The following TDP1 variants were observed in gnomAD, a reference collection of about 807,000 sequenced individuals.
TDP1 encodes the protein tyrosyl-DNA phosphodiesterase 1.
TDP1 carries 64 observed loss-of-function variants against 81.5 expected under a neutral mutation model. The ratio of observed to expected loss-of-function variants is 0.79; its 90% CI spans 0.64 to 0.97. The LOEUF (loss-of-function observed/expected upper bound fraction) is 0.97, where lower values mean the gene tolerates loss of function less well. Among genes scored for constraint, TDP1 ranks in the 50% least tolerant of loss-of-function variants. TDP1 has a pLI of 0.00. For missense variants in TDP1, 723 were observed against 743.8 expected, an observed-to-expected ratio of 0.97 and a Z score of 0.33; for synonymous variants, 256 against 264.3, an observed-to-expected ratio of 0.97 and a Z score of 0.30.
intron 15 of TDP1, 122 bp from the exon 16 acceptor site, chr14:90,032,984 C>A: frequency 8.6e-7 from 1 of 1,161,594 alleles, no homozygotes. Context: ...AAAATACCTC[C>A]AAAATAATTT....
chr14:89,967,342 G>C, intron 4 of TDP1, 25 bp from the exon 5 acceptor site: 1 of 1,611,748 alleles, frequency 6.2e-7, no homozygotes, highest in Non-Finnish European at 8.5e-7. Flanking sequence ...CTATGGCTTA[G>C]TTACTCTTCT....
intron 15 of TDP1, chr14:90,022,881 T>C: frequency 1.1e-6 from 1 of 888,772 alleles, no homozygotes; most frequent in Non-Finnish European, 1.7e-6. Context: ...GATGCTTAAC[T>C]TGTGAAGGAG....
intron 6 of TDP1, among the ~76,000 whole-genome samples, chr14:89,972,118 C>T (rs868777075): frequency 2.6e-4 from 39 of 152,106 alleles, no homozygotes; most frequent in African/African-American, 8.5e-4. Context: ...GTTCTTGCAC[C>T]GCTATGAAGA....
intron 6 of TDP1, 138 bp downstream of exon 6, chr14:89,971,409 T>A (rs569243377): frequency 2.8e-5 from 20 of 720,992 alleles, no homozygotes; most frequent in Non-Finnish European, 4.7e-5. Context: ...TAGCCTCAGC[T>A]TAAACACTTC....
intron 15 of TDP1, chr14:90,022,925 C>T: frequency 1.3e-6 from 1 of 741,646 alleles, no homozygotes; most frequent in South Asian, 1.5e-5. Context: ...ACGGTTCCCT[C>T]CTCAAAGCAT....
chr14:90,043,275 T>G lies in TDP1; in HGVS notation c.*132T>G. 1 of 1,011,810 alleles carries G rather than the reference T, an allele frequency of 9.9e-7. No individual in the cohort carries two copies. Among genetic ancestry groups the G allele is most frequent in the African/African-American group, 1.6e-5 (1 of 62,944 alleles). 62.7% of individuals were successfully genotyped at this position (1,011,810 alleles called of 1,614,324 possible). Reference sequence around the variant, plus strand: ...TACAAAATCTTTCCAAAGGTCACTCTTATGAATGGATGTTGGTTATACTTT... The same window carrying G: ...TACAAAATCTTTCCAAAGGTCACTCGTATGAATGGATGTTGGTTATACTTT... On this transcript the variant is annotated 3_prime_UTR_variant, in exon 17 of 17. Coordinates refer to ENST00000335725, the MANE Select transcript of TDP1 (RefSeq NM_018319.4).
At chr14:90,035,077 C>T (rs36090966) in intron 16 of TDP1, among the ~76,000 whole-genome samples, 2 of 152,096 alleles carry the variant, frequency 1.3e-5, no homozygotes, top group African/African-American at 4.8e-5. Flanking sequence ...TCCTCTGTCC[C>T]GCTAACCATT....
At chr14:89,997,211 C>A (rs1566889100) in intron 14 of TDP1, among the ~76,000 whole-genome samples, 1 of 152,136 alleles carries the variant, frequency 6.6e-6, no homozygotes, top group Admixed American at 6.5e-5. Context: ...ATCTGGCTTC[C>A]CCTCTAGACT....
At chr14:89,955,260 A>C (rs1036911241), upstream of TDP1, 3 of 152,358 alleles carry the variant, frequency 2.0e-5, no homozygotes, top group African/African-American at 7.2e-5. Flanking sequence ...GTAGATCTTC[A>C]ATGAAAGAAC....
rs1195037194 is a variant in TDP1 at position 89,955,930 on chromosome 14, G to A, written c.-271G>A. ...GCGCGCATGCGCGGCGGCCGCCGAA[G>A]GGGCGGGATCCGAGGCAAGCGTTGG... On this transcript the variant is annotated 5_prime_UTR_variant, in exon 1 of 17. Coordinates refer to ENST00000335725, the MANE Select transcript of TDP1 (RefSeq NM_018319.4). The A allele has an allele frequency of 1.3e-5, 2 of 152,348 alleles. No homozygotes were observed. The highest frequency in any genetic ancestry group is 4.8e-5 in the African/African-American group (2 of 41,466). 9.4% of individuals were successfully genotyped at this position (152,348 alleles called of 1,614,324 possible). A position where few individuals can be genotyped will look rare whatever the true frequency, so the allele number is the denominator to read the frequency against.
rs1253354575 is a variant in TDP1, at chr14:90,043,053, A to G, written c.1754-17A>G. 1.9e-6 allele frequency: 3 copies of G among 1,614,058 alleles called. No individual in the cohort carries two copies. The South Asian group carries it at 3.3e-5, about 18-fold the overall frequency. ...ATCCTATTCAAATAAATATTACGTA[A>G]TGTGTTTTTCCCCCAGATCGGCCAT... On this transcript the variant is annotated splice_polypyrimidine_tract_variant and intron_variant, in intron 16 of 16. Coordinates refer to ENST00000335725, the MANE Select transcript of TDP1 (RefSeq NM_018319.4).
chr14:90,031,752 C>T (rs1458294185), intron 15 of TDP1, among the ~76,000 whole-genome samples: 1 of 152,164 alleles, frequency 6.6e-6, no homozygotes, highest in Non-Finnish European at 1.5e-5. Context: ...ACCTCTGGGC[C>T]TTTGCGGATG....
chr14:90,033,807 T>G (rs1887553452), intron 16 of TDP1, among the ~76,000 whole-genome samples: 1 of 152,174 alleles, frequency 6.6e-6, no homozygotes, highest in Admixed American at 6.5e-5. Context: ...CCCACACCTG[T>G]AATCCCAGCA....
In TDP1 at chr14:89,961,157, G is replaced by C. The variant is rs184866166; in HGVS notation, c.-7-1951G>C. Among the ~76,000 whole-genome samples the C allele has an allele frequency of 2.1e-3, 318 of 152,330 alleles. 2 individuals carry two copies. The highest frequency in any genetic ancestry group is 7.2e-3 in the African/African-American group (301 of 41,582). ...AGCAAACGTGTGTTTTGTGCATCTC[G>C]TGTTCACTTTGGGATGGAGACTTAA... On this transcript the variant is annotated intron_variant, in intron 2 of 16. Transcript: ENST00000335725.
chr14:90,035,533 C>A (rs958783989), intron 16 of TDP1, among the ~76,000 whole-genome samples: 7 of 151,726 alleles, frequency 4.6e-5, no homozygotes, highest in Non-Finnish European at 8.8e-5. Flanking sequence ...CCACAACTTA[C>A]TAAATAGACT....
At chr14:90,036,336 G>A (rs1463956428) in intron 16 of TDP1, among the ~76,000 whole-genome samples, 1 of 152,074 alleles carries the variant, frequency 6.6e-6, no homozygotes, top group African/African-American at 2.4e-5. Flanking sequence ...ACTATAGAAA[G>A]GCATTTACCA....
At chr14:90,017,527 A>T (rs7141376) in intron 14 of TDP1, among the ~76,000 whole-genome samples, 14,862 of 152,178 alleles carry the variant, frequency 0.098, 1,647 homozygotes, top group African/African-American at 0.27. Context: ...TCTGTTGAAC[A>T]TTACTTTGGA....
intron 16 of TDP1, among the ~76,000 whole-genome samples, chr14:90,040,802 T>A (rs888438539): frequency 3.3e-5 from 5 of 152,252 alleles, no homozygotes; most frequent in African/African-American, 1.2e-4. Flanking sequence ...TTTCTCCTCC[T>A]ATGGTTATTT....
intron 15 of TDP1, among the ~76,000 whole-genome samples, chr14:90,028,825 C>T (rs577449486): frequency 3.6e-4 from 55 of 152,192 alleles, no homozygotes; most frequent in African/African-American, 1.3e-3. Context: ...AGTCATGGGT[C>T]GAGCACACAG....
Sources: gnomAD v4.1 joint callset for allele counts (sites outside exome capture counted in the v4.1 genomes callset) on GRCh38, gnomAD v4.1.1 for gene constraint, MANE v1.5 for transcripts, NCBI Gene and HGNC (gene_info 2026-07-23, HGNC 2026-07-21) for gene names.